The following TRIM24 variants were observed in gnomAD, a reference collection of about 807,000 sequenced individuals.
TRIM24 encodes the protein tripartite motif containing 24, also known as transcription intermediary factor 1-alpha.
A neutral mutation model predicts 123.9 loss-of-function variants in TRIM24; 29 were observed. That is an observed-to-expected ratio of 0.23 (90% confidence interval 0.17 to 0.32). The LOEUF (loss-of-function observed/expected upper bound fraction) is 0.32. Ranked by LOEUF, TRIM24 falls within the 10% of genes least tolerant of loss-of-function variation. TRIM24 has a pLI of 1.00. For synonymous variants in TRIM24, 456 were observed against 461.1 expected, an observed-to-expected ratio of 0.99 and a Z score of 0.14; for missense variants, 932 against 1,295.3, an observed-to-expected ratio of 0.72 and a Z score of 4.31.
chr7:138,561,044 G>T (rs1009311733), intron 9 of TRIM24, among the ~76,000 whole-genome samples: 1 of 152,126 alleles, frequency 6.6e-6, no homozygotes, highest in African/African-American at 2.4e-5. Context: ...GCAGTTAAGG[G>T]TCCTCTTTCC....
intron 2 of TRIM24, among the ~76,000 whole-genome samples, chr7:138,507,040 G>A (rs1209780944): frequency 6.6e-6 from 1 of 152,138 alleles, no homozygotes; most frequent in Non-Finnish European, 1.5e-5. Flanking sequence ...GTGGGTGGGA[G>A]TTAGGTAGAG....
At chr7:138,534,809 T>A (rs143681444) in intron 6 of TRIM24, among the ~76,000 whole-genome samples, 3,223 of 152,248 alleles carry the variant, frequency 0.021, 113 homozygotes, top group African/African-American at 0.073. Flanking sequence ...ATGTTGACAG[T>A]GGGGTGTTAA....
At chr7:138,494,981 ATC>A (rs768731765) in intron 1 of TRIM24, among the ~76,000 whole-genome samples, 11 of 152,232 alleles carry the variant, frequency 7.2e-5, no homozygotes, top group Non-Finnish European at 1.5e-4. Flanking sequence ...ATGCAGGTAG[ATC>A]TGTATTCACT....
intron 7 of TRIM24, among the ~76,000 whole-genome samples, chr7:138,545,658 C>T (rs1797087714): frequency 1.3e-5 from 2 of 152,072 alleles, no homozygotes; most frequent in Admixed American, 1.3e-4. Flanking sequence ...ATCCCAATAG[C>T]AGTGAGGTCA....
chr7:138,509,793 A>G (rs1332089511), intron 2 of TRIM24, among the ~76,000 whole-genome samples: 1 of 152,134 alleles, frequency 6.6e-6, no homozygotes, highest in African/African-American at 2.4e-5. Context: ...TACAATTCTT[A>G]AAGTATCACA....
chr7:138,480,298 C>T (rs573262180), intron 1 of TRIM24, among the ~76,000 whole-genome samples: 5 of 152,248 alleles, frequency 3.3e-5, no homozygotes, highest in Admixed American at 6.5e-5. Flanking sequence ...CCTTCATTTA[C>T]GTAATGGTGA....
At chr7:138,484,085 T>A (rs1277010155) in intron 1 of TRIM24, among the ~76,000 whole-genome samples, 1 of 152,032 alleles carries the variant, frequency 6.6e-6, no homozygotes, top group Non-Finnish European at 1.5e-5. Context: ...TGTGTGTCTG[T>A]GAGTGTATCT....
At chr7:138,502,774 G>A (rs189068906) in intron 1 of TRIM24, among the ~76,000 whole-genome samples, 27 of 152,286 alleles carry the variant, frequency 1.8e-4, no homozygotes, top group South Asian at 4.1e-4. Flanking sequence ...TGCCAGTACT[G>A]TGTGTTTAGA....
At chr7:138,521,273 CAAT>C (rs1186841793) in intron 4 of TRIM24, among the ~76,000 whole-genome samples, 1 of 152,016 alleles carries the variant, frequency 6.6e-6, no homozygotes, top group African/African-American at 2.4e-5. Flanking sequence ...ACTTAGGAAA[CAAT>C]AATATCTTGT....
At chr7:138,496,373 CA>C (rs1361759228) in intron 1 of TRIM24, among the ~76,000 whole-genome samples, 16 of 152,210 alleles carry the variant, frequency 1.1e-4, no homozygotes, top group African/African-American at 3.9e-4. Flanking sequence ...TATACAATCA[CA>C]TCACCTGTGA....
chr7:138,463,443 G>A (rs981811760), intron 1 of TRIM24, among the ~76,000 whole-genome samples: 1 of 152,016 alleles, frequency 6.6e-6, no homozygotes, highest in Admixed American at 6.6e-5. Context: ...TGTTGGCCAG[G>A]CTGGTCTCGA....
intron 1 of TRIM24, among the ~76,000 whole-genome samples, chr7:138,463,528 G>C (rs974744037): frequency 2.0e-5 from 3 of 152,120 alleles, no homozygotes; most frequent in East Asian, 3.9e-4. Flanking sequence ...CACCCCACCC[G>C]TCCTCTTCCA....
chr7:138,470,220 T>A (rs1795242484), intron 1 of TRIM24, among the ~76,000 whole-genome samples: 1 of 139,522 alleles, frequency 7.2e-6, no homozygotes, highest in African/African-American at 2.7e-5. Flanking sequence ...AACCTCTGCC[T>A]CCTGGGTTCA....
At chr7:138,581,647 A>C in intron 16 of TRIM24, 50 bp from the exon 17 acceptor site, 1 of 1,450,890 alleles carries the variant, frequency 6.9e-7, no homozygotes, top group Non-Finnish European at 9.6e-7. Context: ...TAAGCTGTGA[A>C]TTCATTGTTT....
Position 138,460,577 on chromosome 7 carries a change from C to T in TRIM24, c.29C>T (p.Ala10Val). 3.8e-6 allele frequency: 5 copies of T among 1,313,152 alleles called. No homozygotes were observed. Among genetic ancestry groups the T allele is most frequent in the Non-Finnish European group, 4.8e-6 (5 of 1,041,476 alleles). The allele number at this position is 1,313,152 out of a possible 1,614,324, so 81.3% of individuals were successfully genotyped here. The change falls in exon 1 of 19, where the codon GCG becomes GTG. Residue 10 changes from alanine (A) to valine (V), a missense_variant. Physicochemically the swap from Ala to Val is moderately conservative, Grantham distance 64 (BLOSUM62 0). Coordinates refer to ENST00000343526, the MANE Select transcript of TRIM24 (RefSeq NM_015905.3). MEVAVEKAV[A>V]AAAAASAAAS... ...GAGGTGGCGGTGGAGAAGGCGGTGG[C>T]GGCGGCGGCAGCGGCCTCGGCTGCG...
chr7:138,576,456 T>C lies in TRIM24; in HGVS notation c.2087+11T>C, dbSNP rs1797761370. 5 of 1,611,086 alleles carry C rather than the reference T, an allele frequency of 3.1e-6. No homozygotes were observed. The highest frequency in any genetic ancestry group is 4.2e-6 in the Non-Finnish European group (5 of 1,177,686). On this transcript the variant is annotated intron_variant, in intron 13 of 18. Transcript: ENST00000343526. ...TGGAAGCCGAGGAAGGTAAACTGACTAAACCATATTTTCTAGTATATAAAA... is the reference window on the plus strand; with the variant it reads ...TGGAAGCCGAGGAAGGTAAACTGACCAAACCATATTTTCTAGTATATAAAA...
At chr7:138,576,993 A>G (rs1797774905) in intron 13 of TRIM24, among the ~76,000 whole-genome samples, 1 of 152,202 alleles carries the variant, frequency 6.6e-6, no homozygotes, top group Non-Finnish European at 1.5e-5. Flanking sequence ...GAATCTCTGT[A>G]AAAGCTTTTT....
At chr7:138,477,657 T>G (rs1470346669) in intron 1 of TRIM24, among the ~76,000 whole-genome samples, 1 of 152,164 alleles carries the variant, frequency 6.6e-6, no homozygotes, top group Non-Finnish European at 1.5e-5. Context: ...TTGCATTCAG[T>G]GGTGTGTTTT....
At chr7:138,555,838 A>T (rs958156663) in intron 9 of TRIM24, among the ~76,000 whole-genome samples, 29 of 152,100 alleles carry the variant, frequency 1.9e-4, no homozygotes, top group African/African-American at 6.5e-4. Flanking sequence ...ACACTAACTC[A>T]ATCAACCATA....
Sources: allele counts gnomAD v4.1 joint callset (sites outside exome capture counted in the v4.1 genomes callset), GRCh38; gene constraint gnomAD v4.1.1; transcripts MANE v1.5; gene names NCBI Gene and HGNC (gene_info 2026-07-23, HGNC 2026-07-21).